The following HOMER2 variants were observed in gnomAD, a reference collection of about 807,000 sequenced individuals.
The protein encoded by HOMER2 is homer protein homolog 2.
HOMER2 carries 27 observed loss-of-function variants against 47.0 expected under a neutral mutation model. That is an observed-to-expected ratio of 0.57 (90% CI 0.42 to 0.79). The LOEUF (loss-of-function observed/expected upper bound fraction) is 0.79, where lower values mean the gene tolerates loss of function less well. Ranked by LOEUF, HOMER2 falls within the 30% of genes least tolerant of loss-of-function variation. HOMER2 has a pLI of 0.00. For synonymous variants in HOMER2, 161 were observed against 163.8 expected, an observed-to-expected ratio of 0.98 and a Z score of 0.13; for missense variants, 443 against 435.0, an observed-to-expected ratio of 1.02 and a Z score of -0.16.
intron 5 of HOMER2, among the ~76,000 whole-genome samples, chr15:82,857,349 G>T (rs2051619338): frequency 6.9e-6 from 1 of 145,598 alleles, no homozygotes; most frequent in Non-Finnish European, 1.5e-5. Flanking sequence ...GTAAAGGTTT[G>T]TTGTTTAAGC....
intron 1 of HOMER2, among the ~76,000 whole-genome samples, chr15:82,950,004 T>C (rs961154404): frequency 6.6e-6 from 1 of 152,014 alleles, no homozygotes; most frequent in African/African-American, 2.4e-5. Flanking sequence ...GAATGGAGGC[T>C]ACCCCAGAAG....
chr15:82,891,631 G>A (rs1433283324), intron 2 of HOMER2, among the ~76,000 whole-genome samples: 1 of 152,110 alleles, frequency 6.6e-6, no homozygotes, highest in Admixed American at 6.5e-5. Flanking sequence ...CCACTCCCCT[G>A]CTTCCTGTTG....
chr15:82,843,217 G>C (rs987407509), exon 2 of HOMER2: 1 of 152,084 alleles, frequency 6.6e-6, no homozygotes, highest in African/African-American at 2.4e-5. Context: ...CAAGGCGTGT[G>C]GATTGCCTGA....
At chr15:82,935,924 T>C (rs2054131751) in intron 1 of HOMER2, among the ~76,000 whole-genome samples, 1 of 152,198 alleles carries the variant, frequency 6.6e-6, no homozygotes, top group African/African-American at 2.4e-5. Flanking sequence ...GTGCTCTTCT[T>C]AAATCTGAAG....
In HOMER2 at chr15:82,952,511, C is replaced by T; in HGVS notation, c.5+20G>A. 16 of 1,189,464 alleles carry T rather than the reference C, an allele frequency of 1.3e-5. No homozygotes were observed. Among genetic ancestry groups the T allele is most frequent in the African/African-American group, 1.6e-5 (1 of 62,864 alleles). The allele number at this position is 1,189,464 out of a possible 1,614,324, so 73.7% of individuals were successfully genotyped here. ...CCTCCGGAGGGGCGCGCGGAGAGCG[C>T]GCGGCGCGGGCTCACTCACCCCATC... On this transcript the variant is annotated intron_variant, in intron 1 of 8. Coordinates refer to ENST00000450735, the MANE Select transcript of HOMER2 (RefSeq NM_004839.4).
intron 3 of HOMER2, among the ~76,000 whole-genome samples, chr15:82,869,037 C>T (rs990913490): frequency 2.0e-5 from 3 of 152,148 alleles, no homozygotes; most frequent in African/African-American, 7.2e-5. Context: ...CCTTAATTTG[C>T]ATGTAATTAA....
intron 3 of HOMER2, among the ~76,000 whole-genome samples, chr15:82,874,055 T>A (rs1462887131): frequency 6.6e-6 from 1 of 152,208 alleles, no homozygotes; most frequent in East Asian, 1.9e-4. Flanking sequence ...AGCAGTCAAG[T>A]CTGTTCTAGG....
chr15:82,903,935 G>C (rs898160164), intron 1 of HOMER2, among the ~76,000 whole-genome samples: 3 of 152,126 alleles, frequency 2.0e-5, no homozygotes, highest in Non-Finnish European at 2.9e-5. Flanking sequence ...CCAGGAGTTC[G>C]AGACCAGGCT....
exon 2 of HOMER2, chr15:82,843,611 A>C (rs2051200946): frequency 6.6e-6 from 1 of 151,924 alleles, no homozygotes; most frequent in South Asian, 2.1e-4. Context: ...TGCAACTTAA[A>C]ATTTTGTTTT....
At chr15:82,907,468 G>T (rs536451567) in intron 1 of HOMER2, among the ~76,000 whole-genome samples, 1 of 144,078 alleles carries the variant, frequency 6.9e-6, no homozygotes, top group African/African-American at 2.6e-5. Flanking sequence ...AAGGAAGGAA[G>T]GAGAAAGGAA....
intron 3 of HOMER2, among the ~76,000 whole-genome samples, chr15:82,870,304 G>C (rs547373139): frequency 1.7e-4 from 26 of 152,256 alleles, no homozygotes; most frequent in African/African-American, 5.8e-4. Flanking sequence ...GGTGGGGTAG[G>C]GGAATGGGCT....
At chr15:82,871,918 A>T (rs576914322) in intron 3 of HOMER2, among the ~76,000 whole-genome samples, 1 of 152,224 alleles carries the variant, frequency 6.6e-6, no homozygotes, top group Admixed American at 6.5e-5. Flanking sequence ...GGGTTCCTTT[A>T]AAGATTGAAG....
intron 1 of HOMER2, among the ~76,000 whole-genome samples, chr15:82,922,519 T>A (rs1295691092): frequency 6.6e-6 from 1 of 152,224 alleles, no homozygotes; most frequent in Non-Finnish European, 1.5e-5. Context: ...CAGCTTTACA[T>A]AGCCCAGCGG....
chr15:82,920,524 T>C (rs551437992), intron 1 of HOMER2, among the ~76,000 whole-genome samples: 2 of 152,322 alleles, frequency 1.3e-5, no homozygotes, highest in South Asian at 4.2e-4. Context: ...TTTCCCAGCT[T>C]CTAGAGCTGC....
At chr15:82,966,571 A>G (rs2054677333) in intron 1 of HOMER2, among the ~76,000 whole-genome samples, 1 of 152,200 alleles carries the variant, frequency 6.6e-6, no homozygotes, top group Non-Finnish European at 1.5e-5. Context: ...CAGCAGAAAA[A>G]GGAGTCACCC....
intron 1 of HOMER2, among the ~76,000 whole-genome samples, chr15:82,968,413 T>A (rs1238446073): frequency 6.6e-6 from 1 of 152,262 alleles, no homozygotes; most frequent in East Asian, 1.9e-4. Context: ...TCAACACATT[T>A]GTTTAGATTT....
At chr15:82,914,918 T>C (rs1239042216) in intron 1 of HOMER2, among the ~76,000 whole-genome samples, 1 of 152,122 alleles carries the variant, frequency 6.6e-6, no homozygotes, top group African/African-American at 2.4e-5. Context: ...GCACAGTGGC[T>C]CACACCTGTA....
intron 1 of HOMER2, among the ~76,000 whole-genome samples, chr15:82,973,295 T>C (rs2030074559): frequency 1.3e-5 from 2 of 152,198 alleles, no homozygotes; most frequent in African/African-American, 4.8e-5. Context: ...ATCCCTTCCA[T>C]GGGCAGGGCA....
chr15:82,905,784 TGCCAATAG>T (rs1458824040), intron 1 of HOMER2, among the ~76,000 whole-genome samples: 5 of 152,146 alleles, frequency 3.3e-5, no homozygotes, highest in Non-Finnish European at 7.3e-5. Flanking sequence ...TGCAGTTTGT[TGCCAATAG>T]ACCTGCCTTA....
Sources: allele counts gnomAD v4.1 joint callset (sites outside exome capture counted in the v4.1 genomes callset), GRCh38; gene constraint gnomAD v4.1.1; transcripts MANE v1.5; gene names NCBI Gene and HGNC (gene_info 2026-07-23, HGNC 2026-07-21).